Variants in FGD2 observed in about 807,000 individuals in gnomAD.
FGD2 encodes FYVE, RhoGEF and PH domain-containing protein 2.
In FGD2, 52 loss-of-function variants were observed where a neutral mutation model predicts 75.9. That is an observed-to-expected ratio of 0.69 (90% CI 0.55 to 0.86). The LOEUF is 0.86. Ranked by LOEUF, FGD2 falls within the 40% of genes least tolerant of loss-of-function variation. The pLI, the probability that FGD2 is intolerant of heterozygous loss-of-function variation, is 0.00. For missense variants in FGD2, 790 were observed against 872.0 expected (o/e 0.91, Z 1.18); for synonymous variants, 347 against 348.6 (o/e 1.00, Z 0.05).
intron 3 of FGD2, chr6:37,011,503 C>A: frequency 1.5e-6 from 1 of 656,322 alleles, no homozygotes; most frequent in East Asian, 2.8e-5. Flanking sequence ...CAAGTCCCTG[C>A]ATCTCTAGGC....
chr6:37,018,316 T>C (rs1243203633), intron 9 of FGD2, among the ~76,000 whole-genome samples: 2 of 152,120 alleles, frequency 1.3e-5, no homozygotes, highest in Non-Finnish European at 1.5e-5. Flanking sequence ...TCGGCTAACA[T>C]GTCTGATACT....
chr6:37,009,118 T>G, intron 2 of FGD2, 53 bp downstream of exon 2: 1 of 1,524,940 alleles, frequency 6.6e-7, no homozygotes, highest in Non-Finnish European at 8.9e-7. Context: ...GAGCTCTCCC[T>G]GACCTCCCCT....
chr6:37,009,044 C>T lies in FGD2; in HGVS notation c.279C>T (p.Thr93=), dbSNP rs1764885237. The change falls in exon 2 of 16, where the codon ACC becomes ACT. Residue 93 remains threonine, a synonymous_variant. Coordinates refer to ENST00000274963, the MANE Select transcript of FGD2 (RefSeq NM_173558.4). ...EAWRKSCQPV[T]LSGSGTQEPE... ...GGAGGAAATCTTGCCAGCCTGTGAC[C>T]CTCTCAGGATCGGGGACGCAGGTGC... The T allele has an allele frequency of 1.2e-6, 2 of 1,614,010 alleles. No individual in the cohort carries two copies. The highest frequency in any genetic ancestry group is 2.2e-5 in the East Asian group (1 of 44,898).
chr6:37,015,834 AC>A lies in FGD2; in HGVS notation c.1099del (p.Arg367AlafsTer7), dbSNP rs1765259427. ...GGTGGGCGCCCAGTTCCAGGTGAGG[AC>A]CCGCATCGATGTGGCCGGGATGAAG... ...IQVGAQFQVR[T>X]RIDVAGMKVR... On this transcript the variant is annotated frameshift_variant, in exon 9 of 16. Transcript: ENST00000274963. LOFTEE classifies it high-confidence loss of function. The A allele has an allele frequency of 6.3e-7, 1 of 1,590,434 alleles. No homozygotes were observed.
At chr6:37,021,726 G>T in intron 12 of FGD2, 122 bp downstream of exon 12, 3 of 899,638 alleles carry the variant, frequency 3.3e-6, no homozygotes, top group Non-Finnish European at 3.3e-6. Context: ...AGAGACTGAA[G>T]GGACCAGGGG....
chr6:37,013,616 A>C lies in FGD2; in HGVS notation c.535A>C (p.Asn179His). ...CCTGTGCCCCTCCTGCAGGACAGCT[A>C]ACCCCCGCATCGGTGACGTGATCCA... is the stretch of plus-strand genomic sequence containing the variant. ...LQRRLDDWTA[N>H]PRIGDVIQKL... The change falls in exon 5 of 16, where the codon AAC becomes CAC. Residue 179 changes from asparagine to histidine, a missense_variant. Asn to His is a moderately conservative substitution (Grantham distance 68). Transcript: ENST00000274963. 1 of 1,613,794 alleles carries C rather than the reference A, an allele frequency of 6.2e-7. No homozygotes were observed.
At chr6:37,014,173 C>T (rs1265961519) in intron 6 of FGD2, 73 bp downstream of exon 6, 2 of 1,526,450 alleles carry the variant, frequency 1.3e-6, no homozygotes, top group Non-Finnish European at 1.8e-6. Flanking sequence ...TGAGCTCCTG[C>T]TAAAATGGTT....
chr6:37,024,765 CTG>C, intron 13 of FGD2: 1 of 152,202 alleles, frequency 6.6e-6, no homozygotes, highest in Non-Finnish European at 1.5e-5. Context: ...TTTCTCTTGC[CTG>C]TGCAGATCTT....
At chr6:37,022,544 C>T in intron 13 of FGD2, 174 bp downstream of exon 13, 2 of 865,060 alleles carry the variant, frequency 2.3e-6, no homozygotes, top group Non-Finnish European at 3.3e-6. Context: ...AGGCCTCCAC[C>T]TGTGTCACCC....
chr6:37,027,642 T>C (rs747517440), intron 15 of FGD2, 67 bp downstream of exon 15: 2 of 1,581,510 alleles, frequency 1.3e-6, no homozygotes, highest in Non-Finnish European at 8.6e-7. Context: ...GTGAAGGGGG[T>C]CAGGGGTGAG....
chr6:37,013,755 C>T lies in FGD2; in HGVS notation c.674C>T (p.Thr225Ile). The T allele has an allele frequency of 6.2e-7, 1 of 1,613,976 alleles. No individual in the cohort carries two copies. The highest frequency in any genetic ancestry group is 8.5e-7 in the Non-Finnish European group (1 of 1,179,932). Residue 225 changes from threonine to isoleucine, a missense_variant, in exon 5 of 16, where the codon ACT becomes ATT. Transcript: ENST00000274963. ...TCTCCACTCTTCCAGGAGGTTCTCA[C>T]TCGCATCCAGGTGAGGCTGGGGGAG... ...DKSPLFQEVL[T>I]RIQSSEASGS...
At chr6:37,015,085 A>G (rs1429849123) in intron 8 of FGD2, 47 bp downstream of exon 8, 10 of 1,591,420 alleles carry the variant, frequency 6.3e-6, no homozygotes, top group African/African-American at 1.3e-5. Context: ...AGGGAAGTCC[A>G]TGGGCCACTC....
intron 6 of FGD2, 78 bp from the exon 7 acceptor site, chr6:37,014,568 G>T: frequency 6.4e-7 from 1 of 1,553,600 alleles, no homozygotes; most frequent in Non-Finnish European, 8.8e-7. Flanking sequence ...AGGGCCCTTT[G>T]TTGAACTTCA....
Position 37,005,721 on chromosome 6 carries a change from A to C in FGD2, c.-97A>C. 7.8e-7 allele frequency: 1 copy of C among 1,289,204 alleles called. No homozygotes were observed. Among genetic ancestry groups the C allele is most frequent in the South Asian group, 1.2e-5 (1 of 80,008 alleles). 79.9% of individuals were successfully genotyped at this position (1,289,204 alleles called of 1,614,324 possible). On this transcript the variant is annotated 5_prime_UTR_variant, in exon 1 of 16. Coordinates refer to ENST00000274963, the MANE Select transcript of FGD2 (RefSeq NM_173558.4). ...ATCAGAACAGATTCATGGGTGATTTAGCCTATCTGTCCCAGGCCAGCGTGG... is the reference window on the plus strand; with the variant it reads ...ATCAGAACAGATTCATGGGTGATTTCGCCTATCTGTCCCAGGCCAGCGTGG...
chr6:37,020,113 A>C (rs112642340), intron 9 of FGD2, among the ~76,000 whole-genome samples: 1 of 152,234 alleles, frequency 6.6e-6, no homozygotes, highest in African/African-American at 2.4e-5. Context: ...TGACCTCCCA[A>C]AATGCTGGGA....
chr6:37,027,853 T>A (rs1765902561), intron 15 of FGD2, 95 bp from the exon 16 acceptor site: 1 of 1,374,746 alleles, frequency 7.3e-7, no homozygotes, highest in African/African-American at 1.4e-5. Flanking sequence ...GTTTAGGGTG[T>A]GAGCTGTGCG....
chr6:37,016,100 C>A (rs181392559), intron 9 of FGD2, among the ~76,000 whole-genome samples: 83 of 152,234 alleles, frequency 5.5e-4, no homozygotes, highest in African/African-American at 1.8e-3. Flanking sequence ...GCCAGCTTGG[C>A]CTTTCTGTGC....
chr6:37,019,800 A>G (rs1290659139), intron 9 of FGD2, among the ~76,000 whole-genome samples: 1 of 150,744 alleles, frequency 6.6e-6, no homozygotes, highest in Non-Finnish European at 1.5e-5. Context: ...GGATGATAGT[A>G]TCTGCTTCCC....
intron 13 of FGD2, chr6:37,025,342 C>T (rs935019462): frequency 3.5e-5 from 6 of 173,280 alleles, no homozygotes; most frequent in African/African-American, 1.4e-4. Context: ...AACAGTGTGG[C>T]TCTCAGGGTC....
Sources: allele counts gnomAD v4.1 joint callset (sites outside exome capture counted in the v4.1 genomes callset), GRCh38; gene constraint gnomAD v4.1.1; transcripts MANE v1.5; gene names NCBI Gene and HGNC (gene_info 2026-07-23, HGNC 2026-07-21).